Variants in CLVS1 observed in about 807,000 individuals in gnomAD.
CLVS1 encodes the protein clavesin-1.
CLVS1 carries 10 observed loss-of-function variants against 33.1 expected under a neutral mutation model. The observed-to-expected ratio is 0.30, with a 90% CI of 0.19 to 0.51. The LOEUF (loss-of-function observed/expected upper bound fraction) is 0.51. Ranked by LOEUF, CLVS1 falls within the 20% of genes least tolerant of loss-of-function variation. CLVS1 has a pLI of 0.97. For missense variants in CLVS1, 343 were observed against 433.4 expected (o/e 0.79, Z 1.85); for synonymous variants, 163 against 166.1 (o/e 0.98, Z 0.14).
chr8:61,388,794 C>G (rs1191237708), intron 3 of CLVS1, among the ~76,000 whole-genome samples: 1 of 152,072 alleles, frequency 6.6e-6, no homozygotes, highest in Non-Finnish European at 1.5e-5. Context: ...ATCCTCTCTT[C>G]TAGCTATTTG....
At chr8:61,163,794 A>C (rs1362306724) in intron 2 of CLVS1, among the ~76,000 whole-genome samples, 1 of 152,190 alleles carries the variant, frequency 6.6e-6, no homozygotes, top group Admixed American at 6.5e-5. Context: ...GCCGTTGGGG[A>C]GTACCAATGG....
intron 5 of CLVS1, among the ~76,000 whole-genome samples, chr8:61,472,375 GA>G (rs146606004): frequency 0.016 from 2,450 of 152,068 alleles, 61 homozygotes; most frequent in African/African-American, 0.056. Context: ...GACATGGGGG[GA>G]GGAGAAGGAG....
the CLVS1 span, among the ~76,000 whole-genome samples, chr8:60,997,449 T>C: frequency 6.6e-6 from 1 of 152,174 alleles, no homozygotes; most frequent in Admixed American, 6.5e-5. Flanking sequence ...TATATACATA[T>C]TTAGCATCTA....
intron 5 of CLVS1, among the ~76,000 whole-genome samples, chr8:61,468,652 T>C (rs1455921879): frequency 7.0e-6 from 1 of 142,958 alleles, no homozygotes; most frequent in Non-Finnish European, 1.5e-5. Flanking sequence ...CCCTCCCTGG[T>C]GCAAAATCAT....
intron 2 of CLVS1, among the ~76,000 whole-genome samples, chr8:61,365,974 C>A (rs904807509): frequency 1.3e-5 from 2 of 152,132 alleles, no homozygotes; most frequent in African/African-American, 2.4e-5. Context: ...GTATTAAGTG[C>A]TTATTTGCAT....
intron 2 of CLVS1, among the ~76,000 whole-genome samples, chr8:61,337,093 A>C (rs761803164): frequency 2.6e-5 from 4 of 152,180 alleles, no homozygotes; most frequent in African/African-American, 7.2e-5. Flanking sequence ...GATCAATTGC[A>C]TCACCCAGAT....
At chr8:61,289,756 C>G (rs1246842954) in intron 1 of CLVS1, among the ~76,000 whole-genome samples, 7 of 152,164 alleles carry the variant, frequency 4.6e-5, no homozygotes, top group African/African-American at 1.7e-4. Context: ...AAGACAGTCA[C>G]AAATATGTAT....
intron 5 of CLVS1, among the ~76,000 whole-genome samples, chr8:61,487,965 T>A (rs898493332): frequency 2.2e-4 from 34 of 152,316 alleles, no homozygotes; most frequent in African/African-American, 7.7e-4. Context: ...ACTGAGCATG[T>A]GCACCCCAGC....
intron 3 of CLVS1, among the ~76,000 whole-genome samples, chr8:61,434,026 G>T (rs571202722): frequency 2.5e-4 from 38 of 152,272 alleles, no homozygotes; most frequent in African/African-American, 8.9e-4. Context: ...ATTGGGTGAA[G>T]TCTGGTAGGA....
intron 2 of CLVS1, 54 bp downstream of exon 2, chr8:61,300,336 T>C (rs1340386531): frequency 2.1e-6 from 3 of 1,444,108 alleles, no homozygotes; most frequent in Non-Finnish European, 2.8e-6. Flanking sequence ...GCATTATCAC[T>C]GCATGTTTGG....
intron 3 of CLVS1, among the ~76,000 whole-genome samples, chr8:61,385,007 A>G (rs1237253199): frequency 6.6e-6 from 1 of 152,092 alleles, no homozygotes; most frequent in Non-Finnish European, 1.5e-5. Context: ...TCTGGGTTGA[A>G]GTGGGGTAGA....
At chr8:61,313,934 C>CT (rs1387565902) in intron 2 of CLVS1, among the ~76,000 whole-genome samples, 1 of 152,174 alleles carries the variant, frequency 6.6e-6, no homozygotes, top group Non-Finnish European at 1.5e-5. Flanking sequence ...GAGTCATGGG[C>CT]TCGGCAGGGG....
chr8:61,133,071 C>T (rs1806129541), intron 2 of CLVS1, among the ~76,000 whole-genome samples: 1 of 152,182 alleles, frequency 6.6e-6, no homozygotes, highest in African/African-American at 2.4e-5. Context: ...CAGCATGCTT[C>T]CACTGCAAAG....
intron 1 of CLVS1, among the ~76,000 whole-genome samples, chr8:61,121,010 C>G (rs909043804): frequency 5.9e-5 from 9 of 151,552 alleles, no homozygotes; most frequent in Middle Eastern, 6.8e-3. Flanking sequence ...GACTGCTGTG[C>G]TAGCAATCAG....
At chr8:61,356,239 T>TTGTC in intron 2 of CLVS1, among the ~76,000 whole-genome samples, 2 of 152,212 alleles carry the variant, frequency 1.3e-5, no homozygotes, top group Admixed American at 1.3e-4. Flanking sequence ...TTCATATCCT[T>TTGTC]CACCCAGTTT....
intron 3 of CLVS1, among the ~76,000 whole-genome samples, chr8:61,440,518 G>A (rs534031796): frequency 2.6e-5 from 4 of 152,168 alleles, no homozygotes; most frequent in South Asian, 4.2e-4. Context: ...TGTTCCTTCC[G>A]TCATTCTTCC....
chr8:61,077,918 G>A (rs1804953398), intron 1 of CLVS1, among the ~76,000 whole-genome samples: 1 of 152,236 alleles, frequency 6.6e-6, no homozygotes, highest in African/African-American at 2.4e-5. Context: ...CACTGGGCAG[G>A]AAGGGGGCTC....
chr8:61,417,559 C>A (rs2129604430), intron 3 of CLVS1, among the ~76,000 whole-genome samples: 1 of 152,252 alleles, frequency 6.6e-6, no homozygotes, highest in Middle Eastern at 3.4e-3. Context: ...AAAATCACTC[C>A]TCTTTTCAAA....
chr8:61,392,848 A>G (rs777794986), intron 3 of CLVS1, among the ~76,000 whole-genome samples: 56 of 152,050 alleles, frequency 3.7e-4, no homozygotes, highest in Non-Finnish European at 6.6e-4. Context: ...GTCTCAAAAA[A>G]AACATATATT....
Sources: gnomAD v4.1 joint callset for allele counts (sites outside exome capture counted in the v4.1 genomes callset) on GRCh38, gnomAD v4.1.1 for gene constraint, MANE v1.5 for transcripts, NCBI Gene and HGNC (gene_info 2026-07-23, HGNC 2026-07-21) for gene names.